Variants in CRB1 observed in about 807,000 individuals in gnomAD.
CRB1 encodes protein crumbs homolog 1.
CRB1 carries 83 observed loss-of-function variants against 120.0 expected under a neutral mutation model. The ratio of observed to expected loss-of-function variants is 0.69; its 90% confidence interval spans 0.58 to 0.83. The LOEUF (loss-of-function observed/expected upper bound fraction) is 0.83, where lower values mean the gene tolerates loss of function less well. Ranked by LOEUF, CRB1 falls within the 40% of genes least tolerant of loss-of-function variation. CRB1 has a pLI of 0.00. For missense variants in CRB1, 1,699 were observed against 1,687.6 expected (o/e 1.01, Z -0.12); for synonymous variants, 625 against 612.5 (o/e 1.02, Z -0.30).
chr1:197,244,266 G>T, the CRB1 span, among the ~76,000 whole-genome samples: 1 of 152,112 alleles, frequency 6.6e-6, no homozygotes, highest in African/African-American at 2.4e-5. Context: ...TTTCTTCAAA[G>T]TATGGATGGT....
chr1:197,321,207 G>T (rs959517229), intron 1 of CRB1, among the ~76,000 whole-genome samples: 4 of 152,182 alleles, frequency 2.6e-5, no homozygotes, highest in Non-Finnish European at 4.4e-5. Flanking sequence ...ATTCACCAAG[G>T]CCCTGCTCAG....
At chr1:197,202,272 C>A in the CRB1 span, among the ~76,000 whole-genome samples, 1 of 152,092 alleles carries the variant, frequency 6.6e-6, no homozygotes, top group East Asian at 1.9e-4. Flanking sequence ...TTGCCTGTCT[C>A]CGATTTTCTT....
upstream of CRB1, among the ~76,000 whole-genome samples, chr1:197,263,356 TG>T (rs559202133): frequency 3.3e-5 from 5 of 152,308 alleles, no homozygotes; most frequent in South Asian, 1.0e-3. Context: ...TCATGTCTTT[TG>T]CCCACTTTTT....
intron 5 of CRB1, 98 bp downstream of exon 5, chr1:197,357,111 T>C (rs1301787202): frequency 1.6e-6 from 2 of 1,233,304 alleles, no homozygotes. Context: ...AGCTGTACTG[T>C]GTAAACTCTG....
intron 11 of CRB1, chr1:197,442,658 G>A: frequency 1.4e-6 from 1 of 731,376 alleles, no homozygotes; most frequent in South Asian, 2.3e-5. Context: ...TCCTTATTGT[G>A]TGTATTTAGT....
At chr1:197,421,978 T>C (rs767092867) in intron 6 of CRB1, 22 bp downstream of exon 6, 12 of 1,608,118 alleles carry the variant, frequency 7.5e-6, no homozygotes, top group Non-Finnish European at 1.0e-5. Context: ...CTGAGTGCTA[T>C]GGCTAGGAGT....
At chr1:197,398,210 T>C (rs979621723) in intron 5 of CRB1, among the ~76,000 whole-genome samples, 5 of 152,206 alleles carry the variant, frequency 3.3e-5, no homozygotes, top group Non-Finnish European at 7.3e-5. Flanking sequence ...TCCACAATGC[T>C]GCTCTCTCCT....
At chr1:197,363,256 T>A (rs1660874246) in intron 5 of CRB1, among the ~76,000 whole-genome samples, 1 of 152,052 alleles carries the variant, frequency 6.6e-6, no homozygotes, top group Non-Finnish European at 1.5e-5. Flanking sequence ...GGATACTCCA[T>A]TGTGTTTACT....
At chr1:197,265,005 G>A (rs1654601044), upstream of CRB1, among the ~76,000 whole-genome samples, 1 of 152,056 alleles carries the variant, frequency 6.6e-6, no homozygotes, top group Non-Finnish European at 1.5e-5. Flanking sequence ...TTAACAAAGT[G>A]TTATTTTATA....
rs776191501 is a variant in CRB1 at position 197,477,815 on chromosome 1, A to G, written c.4157A>G (p.Lys1386Arg). Residue 1386 changes from lysine to arginine, a missense_variant, in exon 12 of 12, where the codon AAG (lysine) becomes AGG (arginine). By Grantham distance (26) the Lys-to-Arg change is conservative. Transcript: ENST00000367400. ...ACCTACAGCCCCAGCCGTCAGGAGA[A>G]GGAGGGCTCCCGAGTGGAAATGTGG... Reference protein sequence around the residue: ...QGTYSPSRQEKEGSRVEMWNL... With the variant: ...QGTYSPSRQEREGSRVEMWNL... 8 of 1,613,806 alleles carry G rather than the reference A, an allele frequency of 5.0e-6. No homozygotes were observed. The highest frequency in any genetic ancestry group is 4.0e-5 in the African/African-American group (3 of 74,918).
the CRB1 span, among the ~76,000 whole-genome samples, chr1:197,230,041 A>G: frequency 6.6e-6 from 1 of 152,200 alleles, no homozygotes; most frequent in Non-Finnish European, 1.5e-5. Flanking sequence ...TAAGTGCATT[A>G]TATGTATTAA....
chr1:197,296,336 A>G (rs549133492), intron 1 of CRB1, among the ~76,000 whole-genome samples: 2 of 152,078 alleles, frequency 1.3e-5, no homozygotes, highest in Non-Finnish European at 2.9e-5. Flanking sequence ...TGGTACTTAC[A>G]CTATTTTATG....
At chr1:197,369,733 T>C (rs1661272698) in intron 5 of CRB1, among the ~76,000 whole-genome samples, 2 of 152,136 alleles carry the variant, frequency 1.3e-5, no homozygotes, top group Non-Finnish European at 2.9e-5. Context: ...GCTCTCTACA[T>C]ACCCTAATTT....
chr1:197,291,155 T>C (rs181089959), intron 1 of CRB1, among the ~76,000 whole-genome samples: 139 of 151,990 alleles, frequency 9.1e-4, no homozygotes, highest in African/African-American at 3.3e-3. Flanking sequence ...TAATTAGTAA[T>C]ATTTAAATTT....
rs75979466 is a variant in CRB1, at chr1:197,375,330, G to C, written c.1171+18317G>C. Among the ~76,000 whole-genome samples the C allele has an allele frequency of 5.5e-3, 831 of 152,288 alleles. 13 individuals are homozygous for C. The highest frequency in any genetic ancestry group is 0.019 in the African/African-American group (796 of 41,562). On this transcript the variant is annotated intron_variant, in intron 5 of 11. Transcript: ENST00000367400. ...GTCTTACAGGGGTGATTTGCTAGAT[G>C]GATGGTGTACCTGCAGTGGATTTGC...
intron 11 of CRB1, among the ~76,000 whole-genome samples, chr1:197,476,800 T>C (rs1391139532): frequency 6.6e-6 from 1 of 152,186 alleles, no homozygotes; most frequent in African/African-American, 2.4e-5. Context: ...TTTACTCTGA[T>C]AGAAATATGT....
chr1:197,219,755 T>C, the CRB1 span, among the ~76,000 whole-genome samples: 2 of 152,246 alleles, frequency 1.3e-5, no homozygotes, highest in Non-Finnish European at 2.9e-5. Context: ...TAAACTGCAC[T>C]TACCTCTAAG....
At chr1:197,252,580 A>AAATGTGTGTGTG in the CRB1 span, among the ~76,000 whole-genome samples, 1 of 22,318 alleles carries the variant, frequency 4.5e-5, no homozygotes, top group Non-Finnish European at 1.0e-4. Flanking sequence ...ATATATATAT[A>AAATGTGTGTGTG]TATGTGTGTG....
the CRB1 span, among the ~76,000 whole-genome samples, chr1:197,213,249 T>C: frequency 6.6e-6 from 1 of 152,188 alleles, no homozygotes; most frequent in Non-Finnish European, 1.5e-5. Context: ...TACAACAAAA[T>C]GTTTTTAAAC....
Sources: gnomAD v4.1 joint callset for allele counts (sites outside exome capture counted in the v4.1 genomes callset) on GRCh38, gnomAD v4.1.1 for gene constraint, MANE v1.5 for transcripts, NCBI Gene and HGNC (gene_info 2026-07-23, HGNC 2026-07-21) for gene names.